Variants in SEC63 observed in about 807,000 individuals in gnomAD.
SEC63 encodes the protein translocation protein SEC63 homolog.
SEC63 carries 56 observed loss-of-function variants against 116.2 expected under a neutral mutation model. The ratio of observed to expected loss-of-function variants is 0.48; its 90% CI spans 0.39 to 0.60. The LOEUF (loss-of-function observed/expected upper bound fraction) is 0.60, where lower values mean the gene tolerates loss of function less well. Among genes scored for constraint, SEC63 ranks in the 20% least tolerant of loss-of-function variants. The pLI is 0.00. For synonymous variants in SEC63, 273 were observed against 294.6 expected (o/e 0.93, Z 0.75); for missense variants, 668 against 900.0 (o/e 0.74, Z 3.30).
intron 5 of SEC63, among the ~76,000 whole-genome samples, chr6:107,913,006 T>C (rs1324852621): frequency 6.6e-6 from 1 of 152,176 alleles, no homozygotes; most frequent in Non-Finnish European, 1.5e-5. Flanking sequence ...TAAGTACAAA[T>C]TCCTTCTCTC....
intron 16 of SEC63, among the ~76,000 whole-genome samples, chr6:107,892,359 T>C (rs764003184): frequency 6.6e-6 from 1 of 152,182 alleles, no homozygotes; most frequent in Non-Finnish European, 1.5e-5. Context: ...CAATGAATGG[T>C]GATGGTATAA....
intron 4 of SEC63, among the ~76,000 whole-genome samples, chr6:107,914,056 G>A (rs1248407373): frequency 2.0e-5 from 3 of 152,122 alleles, no homozygotes; most frequent in Non-Finnish European, 4.4e-5. Context: ...TCCTAACCCA[G>A]GGAATGTGAA....
intron 1 of SEC63, chr6:107,957,650 A>C: frequency 2.9e-6 from 1 of 341,260 alleles, no homozygotes; most frequent in Admixed American, 5.0e-5. Flanking sequence ...CGTCCACAAC[A>C]ATGGAGAAGA....
intron 4 of SEC63, among the ~76,000 whole-genome samples, chr6:107,917,520 G>A (rs1787435895): frequency 1.3e-5 from 2 of 152,216 alleles, no homozygotes; most frequent in African/African-American, 4.8e-5. Flanking sequence ...TAAGCTTAGT[G>A]AAGAAGGCAT....
chr6:107,884,005 T>A (rs535359453), intron 16 of SEC63, among the ~76,000 whole-genome samples: 1 of 151,780 alleles, frequency 6.6e-6, no homozygotes, highest in African/African-American at 2.4e-5. Flanking sequence ...ATCCCAGCAC[T>A]CTGGGAGGCC....
Position 107,871,608 on chromosome 6 carries a change from A to G in SEC63, c.*96T>C. On this transcript the variant is annotated 3_prime_UTR_variant, in exon 21 of 21. Coordinates refer to ENST00000369002, the MANE Select transcript of SEC63 (RefSeq NM_007214.5). ...GAGTAAAAAAACTACACCTCCCTCA[A>G]CATCAGTTCTGTACTGTTTCTGGTT... 1.7e-6 allele frequency: 2 copies of G among 1,162,072 alleles called. No individual in the cohort carries two copies. The highest frequency in any genetic ancestry group is 1.5e-5 in the African/African-American group (1 of 66,228). 72.0% of individuals were successfully genotyped at this position (1,162,072 alleles called of 1,614,324 possible).
intron 13 of SEC63, among the ~76,000 whole-genome samples, chr6:107,900,572 C>G (rs1268862064): frequency 6.6e-6 from 1 of 152,026 alleles, no homozygotes; most frequent in East Asian, 1.9e-4. Flanking sequence ...TGCTTGAGCC[C>G]GGGAGGCAGA....
chr6:107,956,026 G>C (rs1354088000), intron 1 of SEC63: 1 of 417,884 alleles, frequency 2.4e-6, no homozygotes, highest in South Asian at 1.7e-5. Flanking sequence ...AAGTCTGTAA[G>C]GCCAGCTACT....
At chr6:107,953,324 C>G (rs1770618355) in intron 1 of SEC63, among the ~76,000 whole-genome samples, 1 of 152,276 alleles carries the variant, frequency 6.6e-6, no homozygotes, top group African/African-American at 2.4e-5. Context: ...GGGTCCTCAT[C>G]TTTTACTTAA....
At chr6:107,915,008 C>T (rs1008101485) in intron 4 of SEC63, among the ~76,000 whole-genome samples, 1 of 152,118 alleles carries the variant, frequency 6.6e-6, no homozygotes, top group Non-Finnish European at 1.5e-5. Context: ...AACATTCAAT[C>T]TAATAAAATA....
intron 16 of SEC63, among the ~76,000 whole-genome samples, chr6:107,890,552 C>A (rs1230270460): frequency 6.6e-6 from 1 of 152,160 alleles, no homozygotes; most frequent in African/African-American, 2.4e-5. Context: ...TTAATTGGGG[C>A]ATTTAGCCCA....
chr6:107,878,396 T>C lies in SEC63; in HGVS notation c.1936-1734A>G, dbSNP rs2300611. ...GTGACATGAGGTACAATATCACCTC[T>C]TTTTTAAGTCATTTTGACATTTGTC... On this transcript the variant is annotated intron_variant, in intron 18 of 20. Transcript: ENST00000369002. Among the ~76,000 whole-genome samples the C allele has an allele frequency of 2.4e-3, 372 of 152,368 alleles. 9 individuals are homozygous for C. In the East Asian group the frequency reaches 0.03, roughly 12 times the overall value.
At chr6:107,929,861 A>G (rs751745140) in intron 1 of SEC63, among the ~76,000 whole-genome samples, 2 of 152,244 alleles carry the variant, frequency 1.3e-5, no homozygotes, top group Non-Finnish European at 2.9e-5. Context: ...AGAAGGAACA[A>G]GAAGTATAAA....
chr6:107,942,712 T>C (rs1770403497), intron 1 of SEC63, among the ~76,000 whole-genome samples: 1 of 152,226 alleles, frequency 6.6e-6, no homozygotes, highest in Admixed American at 6.5e-5. Flanking sequence ...TACCGTTGAC[T>C]GGAAGCCTTA....
At chr6:107,886,535 TA>T (rs1293917588) in intron 16 of SEC63, among the ~76,000 whole-genome samples, 2 of 152,164 alleles carry the variant, frequency 1.3e-5, no homozygotes, top group East Asian at 3.9e-4. Context: ...CCTGACTTTT[TA>T]ATGACTGCTG....
chr6:107,952,523 C>T (rs1369084298), intron 1 of SEC63, among the ~76,000 whole-genome samples: 3 of 152,214 alleles, frequency 2.0e-5, no homozygotes, highest in South Asian at 2.1e-4. Context: ...TTTGGGAGGC[C>T]GAGGTGGGCA....
In SEC63 at chr6:107,907,938, A is replaced by C. The variant is rs554649473; in HGVS notation, c.733+989T>G. On this transcript the variant is annotated intron_variant, in intron 8 of 20. Coordinates refer to ENST00000369002, the MANE Select transcript of SEC63 (RefSeq NM_007214.5). ...TCAAAATGATTGAGGCAAAAAGCAC[A>C]CTTAAAATTATAAACATGAAACATT... Among the ~76,000 whole-genome samples the C allele has an allele frequency of 2.1e-3, 313 of 152,366 alleles. 2 individuals are homozygous for C. The highest frequency in any genetic ancestry group is 3.6e-3 in the Non-Finnish European group (247 of 68,032).
intron 17 of SEC63, 90 bp downstream of exon 17, chr6:107,882,898 G>A (rs1041384479): frequency 2.4e-6 from 2 of 843,580 alleles, no homozygotes; most frequent in East Asian, 5.0e-5. Context: ...AAGCGAGCAA[G>A]CAAACAAATG....
intron 1 of SEC63, among the ~76,000 whole-genome samples, chr6:107,937,669 TA>T (rs1562337516): frequency 6.6e-6 from 1 of 152,230 alleles, no homozygotes. Context: ...CAGCAGCGTA[TA>T]AGTGTTTCCT....
Sources: gnomAD v4.1 joint callset for allele counts (sites outside exome capture counted in the v4.1 genomes callset) on GRCh38, gnomAD v4.1.1 for gene constraint, MANE v1.5 for transcripts, NCBI Gene and HGNC (gene_info 2026-07-23, HGNC 2026-07-21) for gene names.